Variants in KSR1 observed in about 807,000 individuals in gnomAD.
KSR1 encodes kinase suppressor of ras.
Under a neutral mutation model 92.9 loss-of-function variants are expected in KSR1, and 35 were observed. That is an observed-to-expected ratio of 0.38 (90% CI 0.29 to 0.50). KSR1 has a LOEUF of 0.50. KSR1 is among the 20% of genes least tolerant of loss of function. The pLI, the probability that KSR1 is intolerant of heterozygous loss-of-function variation, is 0.94. For missense variants in KSR1, 972 were observed against 1,158.5 expected, an observed-to-expected ratio of 0.84 and a Z score of 2.34; for synonymous variants, 467 against 472.6, an observed-to-expected ratio of 0.99 and a Z score of 0.15.
At chr17:27,602,474 G>T (rs1598125663) in intron 11 of KSR1, among the ~76,000 whole-genome samples, 2 of 152,334 alleles carry the variant, frequency 1.3e-5, no homozygotes, top group South Asian at 4.1e-4. Context: ...TATGTCACAG[G>T]GAGGGCAAGG....
At chr17:27,617,164 C>T in intron 18 of KSR1, 131 bp from the exon 19 acceptor site, 2 of 931,538 alleles carry the variant, frequency 2.1e-6, no homozygotes, top group Non-Finnish European at 3.0e-6. Context: ...TTCATGTCGG[C>T]AGGGTGTTCA....
chr17:27,471,709 G>A (rs1238208974), intron 1 of KSR1, among the ~76,000 whole-genome samples: 1 of 152,166 alleles, frequency 6.6e-6, no homozygotes, highest in Non-Finnish European at 1.5e-5. Context: ...CCTCCTGGCC[G>A]GGTTTCGTGC....
chr17:27,554,653 A>G (rs990927068), intron 2 of KSR1, among the ~76,000 whole-genome samples: 1 of 152,204 alleles, frequency 6.6e-6, no homozygotes, highest in Non-Finnish European at 1.5e-5. Flanking sequence ...ATTCTACATT[A>G]TGGTGAGTTG....
At chr17:27,560,404 T>G in intron 2 of KSR1, 3 of 519,018 alleles carry the variant, frequency 5.8e-6, no homozygotes, top group Non-Finnish European at 1.2e-5. Context: ...CAGGTTCCCC[T>G]GAATAAGCTC....
At position 27,609,220 on chromosome 17, in the gene KSR1, G is replaced by A. The variant is rs1820378942; in HGVS notation, c.2116G>A (p.Gly706Ser). Reference sequence around the variant, plus strand: ...GGGCATGGGATATCTTCATGCCAAGGGCATCGTACACAAAGATCTCAAATC... The same window carrying A: ...GGGCATGGGATATCTTCATGCCAAGAGCATCGTACACAAAGATCTCAAATC... The part of the protein sequence containing the change: ...IKGMGYLHAK[G>S]IVHKDLKSKN... The change falls in exon 16 of 21, where the codon GGC becomes AGC. Residue 706 changes from glycine (G) to serine (S), a missense_variant. Around this residue, in one of 5 missense-constraint regions of KSR1, gnomAD observed 260 missense variants for 375.2 expected, o/e 0.69. Transcript: ENST00000644974. 6.2e-7 allele frequency: 1 copy of A among 1,613,904 alleles called. No individual in the cohort carries two copies. Among genetic ancestry groups the A allele is most frequent in the Non-Finnish European group, 8.5e-7 (1 of 1,179,844 alleles).
intron 2 of KSR1, among the ~76,000 whole-genome samples, chr17:27,552,427 A>G (rs538448926): frequency 6.6e-6 from 1 of 152,246 alleles, no homozygotes; most frequent in South Asian, 2.1e-4. Flanking sequence ...GGATGTCTCC[A>G]ATAGCCCAGG....
At chr17:27,510,837 T>C (rs1272335231) in intron 1 of KSR1, among the ~76,000 whole-genome samples, 1 of 152,208 alleles carries the variant, frequency 6.6e-6, no homozygotes, top group African/African-American at 2.4e-5. Flanking sequence ...ACTTTGATCC[T>C]CCTCTGAGCA....
At chr17:27,581,148 G>A (rs192729997) in intron 3 of KSR1, among the ~76,000 whole-genome samples, 5 of 152,186 alleles carry the variant, frequency 3.3e-5, no homozygotes, top group East Asian at 1.9e-4. Context: ...GGAGTGAGGC[G>A]TCCCACAGTG....
At chr17:27,539,095 G>T (rs1301379365) in intron 1 of KSR1, among the ~76,000 whole-genome samples, 1 of 152,168 alleles carries the variant, frequency 6.6e-6, no homozygotes, top group Non-Finnish European at 1.5e-5. Context: ...ATCTACTTTT[G>T]CCATTAGGTG....
At chr17:27,568,930 C>T (rs548227028) in intron 2 of KSR1, among the ~76,000 whole-genome samples, 9 of 152,168 alleles carry the variant, frequency 5.9e-5, no homozygotes, top group Admixed American at 2.0e-4. Context: ...TTGTGCAGGG[C>T]GGGACTTTCT....
At chr17:27,607,311 C>T (rs2073785482) in intron 14 of KSR1, among the ~76,000 whole-genome samples, 1 of 152,120 alleles carries the variant, frequency 6.6e-6, no homozygotes, top group Admixed American at 6.5e-5. Flanking sequence ...AAGATAGCTC[C>T]CTTGGACCCA....
chr17:27,530,838 C>T (rs1029299979), intron 1 of KSR1, among the ~76,000 whole-genome samples: 4 of 152,208 alleles, frequency 2.6e-5, no homozygotes, highest in Non-Finnish European at 5.9e-5. Flanking sequence ...GTTTTGCTTA[C>T]GTAGTTCTTG....
chr17:27,609,867 C>A, intron 16 of KSR1, 200 bp from the exon 17 acceptor site: 1 of 559,186 alleles, frequency 1.8e-6, no homozygotes, highest in Non-Finnish European at 3.0e-6. Flanking sequence ...TTTCTAGAAA[C>A]AACCGGTCAT....
rs773059086 is a variant in KSR1, at chr17:27,577,040, G to GT, written c.373-445dup. On this transcript the variant is annotated intron_variant, in intron 2 of 20. Coordinates refer to ENST00000644974, the MANE Select transcript of KSR1 (RefSeq NM_001394583.1). This position sits in a 1 kb window ranked among gnomAD's most constrained non-coding sequence, Gnocchi z 4.5. ...AAGTGCCTCTGCAGTGTTTGGTGAG[G>GT]TTTTTTTGTTTTTTTTTTTTAAATC... Among the ~76,000 whole-genome samples, 397 of 100,242 alleles carry GT rather than the reference G, an allele frequency of 4.0e-3. 2 individuals are homozygous for GT. The highest frequency in any genetic ancestry group is 0.033 in the Middle Eastern group (7 of 212). 65.8% of individuals were successfully genotyped at this position (100,242 alleles called of 152,430 possible).
chr17:27,603,980 A>G lies in KSR1; in HGVS notation c.1565+92A>G, dbSNP rs1422250689. On this transcript the variant is annotated intron_variant, in intron 12 of 20. Coordinates refer to ENST00000644974, the MANE Select transcript of KSR1 (RefSeq NM_001394583.1). ...TGGCCACCTCCCACTCCACCTTTCC[A>G]TCTCCAGCCAGCCAGATGCAGAACT... 1.1e-5 allele frequency: 14 copies of G among 1,278,384 alleles called. 1 individual carries two copies. The highest frequency in any genetic ancestry group is 2.3e-6 in the Non-Finnish European group (2 of 886,680). 79.2% of individuals were successfully genotyped at this position (1,278,384 alleles called of 1,614,324 possible).
chr17:27,623,190 ATCAG>A lies in KSR1; in HGVS notation c.2709-120_2709-117del. On this transcript the variant is annotated intron_variant, in intron 20 of 20. Transcript: ENST00000644974. ...GCAGCTCTGCCAGGGCTGTTGGCCA[ATCAG>A]TCATTTTCATTTCTTGTTGGAGGCC... 4.3e-6 allele frequency: 3 copies of A among 695,274 alleles called. No individual in the cohort carries two copies. The South Asian group carries it at 4.6e-5, about 11-fold the overall frequency. 43.1% of individuals were successfully genotyped at this position (695,274 alleles called of 1,614,324 possible).
chr17:27,487,514 C>T (rs2068701846), intron 1 of KSR1, among the ~76,000 whole-genome samples: 1 of 151,378 alleles, frequency 6.6e-6, no homozygotes, highest in Non-Finnish European at 1.5e-5. Context: ...TTTGGGAGGC[C>T]GAGGTCGGTG....
chr17:27,575,826 C>T (rs1426264121), intron 2 of KSR1, among the ~76,000 whole-genome samples: 1 of 152,198 alleles, frequency 6.6e-6, no homozygotes, highest in Non-Finnish European at 1.5e-5. Flanking sequence ...AATTTAGCAG[C>T]TTAACACACC....
intron 1 of KSR1, among the ~76,000 whole-genome samples, chr17:27,524,776 A>C (rs1215466998): frequency 1.3e-5 from 2 of 152,136 alleles, no homozygotes; most frequent in African/African-American, 4.8e-5. Flanking sequence ...ATAGGAGCAG[A>C]GAAAAAGAGA....
Sources: allele counts gnomAD v4.1 joint callset (sites outside exome capture counted in the v4.1 genomes callset), GRCh38; gene constraint gnomAD v4.1.1; regional missense constraint gnomAD v4.1.1; non-coding constraint Gnocchi (gnomAD v3.1); transcripts MANE v1.5; gene names NCBI Gene and HGNC (gene_info 2026-07-23, HGNC 2026-07-21).